The following TANGO6 variants were observed in gnomAD, a reference collection of about 807,000 sequenced individuals.
The protein encoded by TANGO6 is transport and Golgi organization protein 6 homolog.
Under a neutral mutation model 114.2 loss-of-function variants are expected in TANGO6, and 90 were observed. The ratio of observed to expected loss-of-function variants is 0.79; its 90% CI spans 0.66 to 0.94. The LOEUF is 0.94. TANGO6 is among the 40% of genes least tolerant of loss of function. The probability of loss-of-function intolerance (pLI) is 0.00; values close to 1 mark genes in which losing one functional copy is unlikely to be tolerated. For synonymous variants in TANGO6, 477 were observed against 509.8 expected (o/e 0.94, Z 0.87); for missense variants, 1,274 against 1,315.3 (o/e 0.97, Z 0.49).
In TANGO6 at chr16:69,003,135, CT is replaced by C. The variant is rs1417016407; in HGVS notation, c.2843-19692del. ...TGGCTTTTAAGCCCTTTTTTCCCCCCTCAAAGGTATTTTTCCAGGTAAAACA... is the reference window on the plus strand; with the variant it reads ...TGGCTTTTAAGCCCTTTTTTCCCCCCCAAAGGTATTTTTCCAGGTAAAACA... On this transcript the variant is annotated intron_variant, in intron 15 of 17. Coordinates refer to ENST00000261778, the MANE Select transcript of TANGO6 (RefSeq NM_024562.2). Among the ~76,000 whole-genome samples the C allele has an allele frequency of 5.3e-5, 8 of 152,122 alleles. No individual in the cohort carries two copies. The East Asian group carries it at 1.5e-3, about 29-fold the overall frequency.
intron 15 of TANGO6, among the ~76,000 whole-genome samples, chr16:68,987,064 G>A (rs375897030): frequency 6.6e-6 from 1 of 152,144 alleles, no homozygotes. Flanking sequence ...GAGGGAGAAA[G>A]TTTTAAACAG....
chr16:69,014,617 G>A (rs1338468562), intron 15 of TANGO6, among the ~76,000 whole-genome samples: 1 of 152,118 alleles, frequency 6.6e-6, no homozygotes, highest in African/African-American at 2.4e-5. Context: ...CCCCTGGGCT[G>A]GGCACAGTGG....
chr16:68,885,601 G>A (rs1000910091), intron 7 of TANGO6: 2 of 152,274 alleles, frequency 1.3e-5, no homozygotes, highest in East Asian at 1.9e-4. Flanking sequence ...TGAAGCAGTC[G>A]GAGCGGAAAG....
At chr16:69,023,044 T>C (rs988920594) in intron 16 of TANGO6, 65 bp downstream of exon 16, 6 of 1,453,954 alleles carry the variant, frequency 4.1e-6, no homozygotes, top group Non-Finnish European at 5.5e-6. Context: ...CATCTTGAGA[T>C]TGGGAGTCAG....
chr16:68,934,930 G>A (rs1963285572), intron 14 of TANGO6, among the ~76,000 whole-genome samples: 1 of 152,126 alleles, frequency 6.6e-6, no homozygotes, highest in Admixed American at 6.6e-5. Flanking sequence ...TCGTTGGTGT[G>A]CAAATCAGTT....
chr16:68,973,387 TAG>T (rs1963728746), intron 14 of TANGO6, among the ~76,000 whole-genome samples: 1 of 152,154 alleles, frequency 6.6e-6, no homozygotes, highest in Non-Finnish European at 1.5e-5. Flanking sequence ...GTAGAATTTG[TAG>T]TTATATAGTT....
chr16:68,961,831 G>T (rs1024257649), intron 14 of TANGO6, among the ~76,000 whole-genome samples: 2 of 152,204 alleles, frequency 1.3e-5, no homozygotes, highest in African/African-American at 4.8e-5. Context: ...TTTTCCTGCT[G>T]ATTAAGATAA....
rs1190474918 is a variant in TANGO6, at chr16:69,084,593, A to T, written c.*932A>T. ...ACTGTGGTCTCCACTTTATTTCTTTATATGTTTTGGCCGCTGCATTTTGAT... is the reference window on the plus strand; with the variant it reads ...ACTGTGGTCTCCACTTTATTTCTTTTTATGTTTTGGCCGCTGCATTTTGAT... On this transcript the variant is annotated 3_prime_UTR_variant, in exon 18 of 18. Coordinates refer to ENST00000261778, the MANE Select transcript of TANGO6 (RefSeq NM_024562.2). The T allele has an allele frequency of 2.0e-5, 3 of 152,304 alleles. No homozygotes were observed. Among genetic ancestry groups the T allele is most frequent in the Admixed American group, 6.5e-5 (1 of 15,272 alleles). The allele number at this position is 152,304 out of a possible 1,614,324, so 9.4% of individuals were successfully genotyped here.
chr16:69,024,347 AC>A (rs1959464936), intron 16 of TANGO6, among the ~76,000 whole-genome samples: 1 of 150,836 alleles, frequency 6.6e-6, no homozygotes, highest in Non-Finnish European at 1.5e-5. Flanking sequence ...GCTTACTGCA[AC>A]CTCCGCCTCC....
intron 14 of TANGO6, among the ~76,000 whole-genome samples, chr16:68,940,185 T>TC (rs1268211766): frequency 6.6e-6 from 1 of 151,502 alleles, no homozygotes; most frequent in East Asian, 1.9e-4. Context: ...CTTCCTTCCT[T>TC]CTTTTCTTTC....
chr16:69,063,930 G>A (rs1381830554), intron 17 of TANGO6, among the ~76,000 whole-genome samples: 5 of 151,622 alleles, frequency 3.3e-5, no homozygotes, highest in African/African-American at 4.8e-5. Flanking sequence ...TCCGCCTCCC[G>A]GATTCAAGCA....
intron 7 of TANGO6, among the ~76,000 whole-genome samples, chr16:68,886,447 C>T (rs1408296166): frequency 2.6e-5 from 4 of 151,732 alleles, no homozygotes; most frequent in Non-Finnish European, 5.9e-5. Flanking sequence ...GAGGGATGGG[C>T]TCCTGGCTTA....
At position 68,898,384 on chromosome 16, in the gene TANGO6, A is replaced by G. The variant is rs61129018; in HGVS notation, c.1378-2050A>G. On this transcript the variant is annotated intron_variant, in intron 7 of 17. Transcript: ENST00000261778. ...ACTGGAAAAGCACAGAGATTTTTCC[A>G]GCTCATGAAAGTGCCTCCATGATCT... 4.5e-3 allele frequency among the ~76,000 whole-genome samples: 681 copies of G among 152,318 alleles called. 3 individuals carry two copies. The highest frequency in any genetic ancestry group is 0.015 in the African/African-American group (643 of 41,578).
At chr16:68,930,667 G>T (rs1473323867) in intron 14 of TANGO6, among the ~76,000 whole-genome samples, 1 of 137,378 alleles carries the variant, frequency 7.3e-6, no homozygotes, top group African/African-American at 2.8e-5. Flanking sequence ...ACAGAGTCTC[G>T]CTCTGTCACC....
At chr16:69,024,677 G>T (rs1255859282) in intron 16 of TANGO6, among the ~76,000 whole-genome samples, 2 of 152,108 alleles carry the variant, frequency 1.3e-5, no homozygotes, top group Non-Finnish European at 2.9e-5. Context: ...TACAGATGAT[G>T]ATAGACAGAA....
intron 15 of TANGO6, among the ~76,000 whole-genome samples, chr16:68,980,409 C>CTCTCTA (rs1408626276): frequency 2.2e-4 from 15 of 67,988 alleles, no homozygotes; most frequent in Admixed American, 1.2e-3. Context: ...CTCTCTCTCT[C>CTCTCTA]TATATATATA....
intron 11 of TANGO6, among the ~76,000 whole-genome samples, chr16:68,917,741 G>GCT (rs1458517148): frequency 6.6e-6 from 1 of 151,886 alleles, no homozygotes; most frequent in African/African-American, 2.4e-5. Flanking sequence ...CAGGACTTTT[G>GCT]CTCATTTTTA....
chr16:68,909,905 G>A (rs117789497), intron 11 of TANGO6, among the ~76,000 whole-genome samples: 144 of 152,238 alleles, frequency 9.5e-4, no homozygotes, highest in Non-Finnish European at 1.8e-3. Flanking sequence ...TATGGGTCCT[G>A]TAACTCACAG....
intron 17 of TANGO6, among the ~76,000 whole-genome samples, chr16:69,060,007 A>G (rs1390947612): frequency 6.6e-6 from 1 of 152,112 alleles, no homozygotes; most frequent in Non-Finnish European, 1.5e-5. Flanking sequence ...TGGCAGCCCC[A>G]GAATAATCTG....
Sources: gnomAD v4.1 joint callset for allele counts (sites outside exome capture counted in the v4.1 genomes callset) on GRCh38, gnomAD v4.1.1 for gene constraint, MANE v1.5 for transcripts, NCBI Gene and HGNC (gene_info 2026-07-23, HGNC 2026-07-21) for gene names.